The following GRM8 variants were observed in gnomAD, a reference collection of about 807,000 sequenced individuals.
The protein encoded by GRM8 is glutamate metabotropic receptor 8.
Under a neutral mutation model 87.2 loss-of-function variants are expected in GRM8, and 47 were observed. That is an observed-to-expected ratio of 0.54 (90% CI 0.43 to 0.69). The LOEUF is 0.69. Ranked by LOEUF, GRM8 falls within the 30% of genes least tolerant of loss-of-function variation. The pLI is 0.00. For missense variants in GRM8, 1,019 were observed against 1,139.2 expected, an observed-to-expected ratio of 0.89 and a Z score of 1.52; for synonymous variants, 396 against 404.5, an observed-to-expected ratio of 0.98 and a Z score of 0.25.
chr7:126,888,666 C>G (rs1465885261), intron 6 of GRM8, among the ~76,000 whole-genome samples: 1 of 152,092 alleles, frequency 6.6e-6, no homozygotes, highest in Non-Finnish European at 1.5e-5. Flanking sequence ...TGGCAAAGAA[C>G]TGAATATTGC....
At chr7:127,057,020 T>C (rs986347732) in intron 3 of GRM8, among the ~76,000 whole-genome samples, 2 of 152,178 alleles carry the variant, frequency 1.3e-5, no homozygotes, top group African/African-American at 2.4e-5. Flanking sequence ...GATTGTGAAC[T>C]GACAAAGCTA....
intron 3 of GRM8, among the ~76,000 whole-genome samples, chr7:127,099,434 T>C (rs1377065746): frequency 6.6e-6 from 1 of 152,174 alleles, no homozygotes; most frequent in Non-Finnish European, 1.5e-5. Context: ...GTGGGGCAGG[T>C]GAACAGCAGG....
intron 3 of GRM8, among the ~76,000 whole-genome samples, chr7:127,031,561 C>T (rs1399149053): frequency 6.6e-6 from 1 of 151,960 alleles, no homozygotes; most frequent in East Asian, 1.9e-4. Context: ...GTTACAAACT[C>T]TAAAGCTTTT....
chr7:126,500,434 C>G (rs528319128), intron 9 of GRM8, among the ~76,000 whole-genome samples: 1 of 152,054 alleles, frequency 6.6e-6, no homozygotes, highest in South Asian at 2.1e-4. Context: ...CTTAACCCAA[C>G]AGCAACTTTT....
intron 7 of GRM8, among the ~76,000 whole-genome samples, chr7:126,684,757 T>G (rs1040492001): frequency 6.6e-6 from 1 of 152,230 alleles, no homozygotes; most frequent in Non-Finnish European, 1.5e-5. Flanking sequence ...TCTACTAGTT[T>G]AGGAGATGGG....
intron 3 of GRM8, among the ~76,000 whole-genome samples, chr7:126,929,377 T>C (rs1480606515): frequency 6.6e-6 from 1 of 152,238 alleles, no homozygotes; most frequent in Non-Finnish European, 1.5e-5. Flanking sequence ...CAATTGAGCA[T>C]ATGAAATGCA....
chr7:126,671,601 G>A (rs180793967), intron 7 of GRM8, among the ~76,000 whole-genome samples: 10 of 152,272 alleles, frequency 6.6e-5, no homozygotes, highest in Admixed American at 4.6e-4. Flanking sequence ...ACCAACCACT[G>A]ATCCCCAGCT....
At chr7:126,972,950 C>T (rs940311776) in intron 3 of GRM8, among the ~76,000 whole-genome samples, 1 of 152,170 alleles carries the variant, frequency 6.6e-6, no homozygotes, top group African/African-American at 2.4e-5. Context: ...TATTAAGCAA[C>T]TAAAAGCTTA....
chr7:127,074,339 A>G (rs1317597376), intron 3 of GRM8, among the ~76,000 whole-genome samples: 2 of 152,144 alleles, frequency 1.3e-5, no homozygotes, highest in Non-Finnish European at 2.9e-5. Context: ...TCCAATTTTC[A>G]TTCACCCATC....
intron 7 of GRM8, among the ~76,000 whole-genome samples, chr7:126,757,025 A>C (rs1817085764): frequency 6.6e-6 from 1 of 152,186 alleles, no homozygotes; most frequent in African/African-American, 2.4e-5. Flanking sequence ...TCATTAATAG[A>C]TATTAAATGT....
intron 2 of GRM8, among the ~76,000 whole-genome samples, chr7:127,157,247 GA>G (rs59908180): frequency 0.26 from 38,821 of 151,330 alleles, 6,087 homozygotes; most frequent in African/African-American, 0.44. Context: ...AGGATGGGGA[GA>G]AGAAAGGAGG....
intron 9 of GRM8, among the ~76,000 whole-genome samples, chr7:126,502,173 GA>G (rs1809744695): frequency 6.6e-6 from 1 of 151,702 alleles, no homozygotes; most frequent in Non-Finnish European, 1.5e-5. Context: ...ACATAAAAAA[GA>G]AAAAAAGACT....
At chr7:126,907,146 G>C (rs557784522) in intron 3 of GRM8, among the ~76,000 whole-genome samples, 10 of 151,750 alleles carry the variant, frequency 6.6e-5, no homozygotes, top group African/African-American at 2.4e-4. Flanking sequence ...GGAAGAGGAA[G>C]AAGGAGGAAG....
At chr7:127,150,613 G>A (rs1240297133) in intron 2 of GRM8, among the ~76,000 whole-genome samples, 1 of 152,090 alleles carries the variant, frequency 6.6e-6, no homozygotes, top group Non-Finnish European at 1.5e-5. Context: ...CCATTTTGCA[G>A]ACGGGACAAC....
intron 9 of GRM8, among the ~76,000 whole-genome samples, chr7:126,522,586 T>C (rs1770254594): frequency 6.6e-6 from 1 of 152,178 alleles, no homozygotes; most frequent in Non-Finnish European, 1.5e-5. Context: ...AAAAAAGGAA[T>C]ATGTGGCCTC....
At chr7:126,633,549 ATTG>A (rs568696086) in intron 7 of GRM8, among the ~76,000 whole-genome samples, 48 of 152,254 alleles carry the variant, frequency 3.2e-4, no homozygotes, top group African/African-American at 7.9e-4. Context: ...AATGAAAACA[ATTG>A]TTGTGCTAAA....
intron 3 of GRM8, among the ~76,000 whole-genome samples, chr7:127,075,064 T>C (rs2132715784): frequency 6.6e-6 from 1 of 152,332 alleles, no homozygotes; most frequent in African/African-American, 2.4e-5. Flanking sequence ...CCACATTTTA[T>C]GTAGGAGTCT....
intron 9 of GRM8, among the ~76,000 whole-genome samples, chr7:126,467,264 G>A (rs191955270): frequency 1.1e-3 from 167 of 151,568 alleles, no homozygotes; most frequent in African/African-American, 3.9e-3. Context: ...CTGTTCCTGT[G>A]TTAGTTTATT....
intron 2 of GRM8, among the ~76,000 whole-genome samples, chr7:127,108,105 C>A (rs17870000): frequency 2.0e-5 from 3 of 152,170 alleles, no homozygotes; most frequent in African/African-American, 4.8e-5. Context: ...AACCATCTGA[C>A]CCACCTCCTC....
Sources: gnomAD v4.1 joint callset for allele counts (sites outside exome capture counted in the v4.1 genomes callset) on GRCh38, gnomAD v4.1.1 for gene constraint, MANE v1.5 for transcripts, NCBI Gene and HGNC (gene_info 2026-07-23, HGNC 2026-07-21) for gene names.